Variants in CSMD1 observed in about 807,000 individuals in gnomAD.
CSMD1 encodes the protein CUB and Sushi multiple domains 1.
Under a neutral mutation model 417.5 loss-of-function variants are expected in CSMD1, and 213 were observed. That is an observed-to-expected ratio of 0.51 (90% CI 0.46 to 0.57). The LOEUF (loss-of-function observed/expected upper bound fraction) is 0.57. Ranked by LOEUF, CSMD1 falls within the 20% of genes least tolerant of loss-of-function variation. The pLI is 0.00. For synonymous variants in CSMD1, 2,862 were observed against 1,736.8 expected, an observed-to-expected ratio of 1.65 and a Z score of -16.11; for missense variants, 6,923 against 4,529.7, an observed-to-expected ratio of 1.53 and a Z score of -15.17.
chr8:4,766,372 G>C (rs1054835623), intron 1 of CSMD1, among the ~76,000 whole-genome samples: 8 of 152,184 alleles, frequency 5.3e-5, no homozygotes, highest in African/African-American at 1.4e-4. Flanking sequence ...AAGAAATTAG[G>C]TTTGTGGATT....
At chr8:3,875,789 A>T (rs893100397) in intron 5 of CSMD1, among the ~76,000 whole-genome samples, 1 of 152,154 alleles carries the variant, frequency 6.6e-6, no homozygotes. Context: ...CTTTGTGGTA[A>T]AGGGAAGGTA....
At chr8:3,545,499 G>T (rs907040718) in intron 10 of CSMD1, among the ~76,000 whole-genome samples, 1 of 152,166 alleles carries the variant, frequency 6.6e-6, no homozygotes, top group Non-Finnish European at 1.5e-5. Context: ...TTGAAGAGGT[G>T]AGTGATAAAG....
intron 7 of CSMD1, among the ~76,000 whole-genome samples, chr8:3,621,767 TTTA>T (rs568261003): frequency 3.3e-5 from 5 of 150,706 alleles, no homozygotes; most frequent in African/African-American, 7.3e-5. Flanking sequence ...TTATTATTAT[TTTA>T]TTATTATTAT....
chr8:3,277,737 C>A (rs953904521), intron 26 of CSMD1, among the ~76,000 whole-genome samples: 1 of 152,162 alleles, frequency 6.6e-6, no homozygotes, highest in African/African-American at 2.4e-5. Flanking sequence ...GGCAGGTGGA[C>A]ACTCAGGGGA....
At chr8:4,405,916 C>G (rs1804984605) in intron 3 of CSMD1, among the ~76,000 whole-genome samples, 1 of 152,186 alleles carries the variant, frequency 6.6e-6, no homozygotes, top group South Asian at 2.1e-4. Flanking sequence ...CTCCAAGGAG[C>G]ATCTCGTTTC....
At chr8:3,507,135 T>A (rs1361112498) in intron 10 of CSMD1, among the ~76,000 whole-genome samples, 2 of 152,164 alleles carry the variant, frequency 1.3e-5, no homozygotes, top group Non-Finnish European at 2.9e-5. Context: ...ATAAACAGAA[T>A]TTACATAGTG....
rs76360095 is a variant in CSMD1, at chr8:3,148,516, G to A, written c.6031+2881C>T. 6.9e-3 allele frequency among the ~76,000 whole-genome samples: 1,050 copies of A among 152,282 alleles called. 11 individuals carry two copies. Among genetic ancestry groups the A allele is most frequent in the African/African-American group, 0.024 (1,006 of 41,556 alleles). ...TTTGACATTTGAAAACAAGACTCAT[G>A]ACGCTGCTTTAAAACTCATGTGCAT... On this transcript the variant is annotated intron_variant, in intron 40 of 69. Transcript: ENST00000635120.
intron 7 of CSMD1, chr8:3,704,910 G>A (rs750087710): frequency 6.6e-6 from 1 of 152,236 alleles, no homozygotes; most frequent in African/African-American, 2.4e-5. Context: ...GGGTGGATCT[G>A]ATATAGTCAG....
chr8:3,374,866 G>C (rs1585072186), intron 18 of CSMD1, among the ~76,000 whole-genome samples: 1 of 152,152 alleles, frequency 6.6e-6, no homozygotes, highest in African/African-American at 2.4e-5. Flanking sequence ...CCCTGCCAAA[G>C]TCTTCTAATA....
intron 4 of CSMD1, among the ~76,000 whole-genome samples, chr8:4,013,143 C>T (rs1004065188): frequency 6.6e-6 from 1 of 152,134 alleles, no homozygotes; most frequent in Non-Finnish European, 1.5e-5. Context: ...CATTGTGCTC[C>T]CACACTGCTC....
At chr8:3,437,474 G>GAC (rs1372195410) in intron 12 of CSMD1, among the ~76,000 whole-genome samples, 2 of 152,052 alleles carry the variant, frequency 1.3e-5, no homozygotes, top group African/African-American at 4.8e-5. Flanking sequence ...ATTCTAATGG[G>GAC]ACAGCGGGAA....
intron 1 of CSMD1, among the ~76,000 whole-genome samples, chr8:4,740,651 T>A (rs979476602): frequency 6.6e-6 from 1 of 152,232 alleles, no homozygotes; most frequent in Non-Finnish European, 1.5e-5. Flanking sequence ...TGTGCAGCTC[T>A]CTGGCTTTTC....
rs767315295 is a variant in CSMD1, at chr8:3,018,499, G to T, written c.8007C>A (p.Ser2669Arg). 4.3e-6 allele frequency: 7 copies of T among 1,612,146 alleles called. No homozygotes were observed. Among genetic ancestry groups the T allele is most frequent in the Non-Finnish European group, 5.9e-6 (7 of 1,179,070 alleles). The change falls in exon 52 of 70, where the codon AGC (serine) becomes AGA (arginine). Residue 2669 changes from serine to arginine, a missense_variant. Physicochemically the swap from Ser to Arg is moderately radical, Grantham distance 110 (BLOSUM62 -1). Transcript: ENST00000635120. The stretch of plus-strand genomic sequence containing the variant: ...TACCCAGACATCGAGTTTCGCTGCC[G>T]CTCCAGAGCCCATTTGCCAAGCACT... The part of the protein sequence containing the change: ...VRECLANGLW[S>R]GSETRCLAGH...
chr8:4,014,894 G>C (rs879759895), intron 4 of CSMD1, among the ~76,000 whole-genome samples: 1 of 152,096 alleles, frequency 6.6e-6, no homozygotes, highest in Non-Finnish European at 1.5e-5. Context: ...AAAATAATGG[G>C]CAGAGCCACT....
At chr8:4,515,477 C>T (rs1228250340) in intron 2 of CSMD1, among the ~76,000 whole-genome samples, 5 of 152,062 alleles carry the variant, frequency 3.3e-5, no homozygotes, top group Admixed American at 6.6e-5. Flanking sequence ...TTTAAAAGAA[C>T]GTCTAGAAAT....
At chr8:3,774,228 G>C (rs565277300) in intron 5 of CSMD1, among the ~76,000 whole-genome samples, 13 of 152,016 alleles carry the variant, frequency 8.6e-5, no homozygotes, top group Non-Finnish European at 1.8e-4. Context: ...AACAACTTTT[G>C]GCTCAAATGC....
intron 3 of CSMD1, among the ~76,000 whole-genome samples, chr8:4,288,955 C>G (rs2680607): frequency 0.045 from 6,807 of 152,194 alleles, 245 homozygotes; most frequent in South Asian, 0.15. Flanking sequence ...AGTGTGGCAG[C>G]TGTAAAAATG....
intron 1 of CSMD1, among the ~76,000 whole-genome samples, chr8:4,792,788 C>T (rs974052279): frequency 2.0e-5 from 3 of 152,106 alleles, no homozygotes; most frequent in African/African-American, 7.2e-5. Flanking sequence ...ACCATGCGTT[C>T]CAGGCGTACT....
intron 6 of CSMD1, among the ~76,000 whole-genome samples, chr8:3,721,784 G>A (rs529987805): frequency 3.9e-5 from 6 of 152,274 alleles, no homozygotes; most frequent in Admixed American, 1.3e-4. Context: ...ATTTCTCTCT[G>A]AATGGTCAAT....
Sources: allele counts gnomAD v4.1 joint callset (sites outside exome capture counted in the v4.1 genomes callset), GRCh38; gene constraint gnomAD v4.1.1; transcripts MANE v1.5; gene names NCBI Gene and HGNC (gene_info 2026-07-23, HGNC 2026-07-21).